EYS: variants seen among roughly 807,000 people sequenced by gnomAD.
The protein encoded by EYS is protein eyes shut homolog.
A neutral mutation model predicts 282.1 loss-of-function variants in EYS; 250 were observed. That is an observed-to-expected ratio of 0.89 (90% CI 0.80 to 0.98). The LOEUF (loss-of-function observed/expected upper bound fraction) is 0.98. Ranked by LOEUF, EYS falls within the 50% of genes least tolerant of loss-of-function variation. The pLI is 0.00. For missense variants in EYS, 4,016 were observed against 3,709.0 expected (o/e 1.08, Z -2.15); for synonymous variants, 1,355 against 1,282.9 (o/e 1.06, Z -1.20).
chr6:65,063,589 G>C (rs888001829), intron 12 of EYS, among the ~76,000 whole-genome samples: 5 of 152,036 alleles, frequency 3.3e-5, no homozygotes, highest in Admixed American at 2.6e-4. Flanking sequence ...CTGATCCAAG[G>C]AGTTTGGGAG....
intron 12 of EYS, among the ~76,000 whole-genome samples, chr6:65,117,299 C>T (rs973783997): frequency 1.7e-4 from 26 of 152,180 alleles, no homozygotes; most frequent in Non-Finnish European, 2.1e-4. Context: ...AAAGCACCTT[C>T]TAAAGCTATT....
At chr6:65,435,927 T>C (rs888190346) in intron 5 of EYS, among the ~76,000 whole-genome samples, 1 of 152,134 alleles carries the variant, frequency 6.6e-6, no homozygotes, top group African/African-American at 2.4e-5. Context: ...CAGAGAGGCC[T>C]ATGAAGAAAC....
chr6:64,656,097 T>A (rs1304166583), intron 22 of EYS, among the ~76,000 whole-genome samples: 1 of 152,158 alleles, frequency 6.6e-6, no homozygotes, highest in African/African-American at 2.4e-5. Context: ...CCTATTATGT[T>A]ATGAGGTATT....
chr6:65,577,919 AAGAGGAAAGATAACTGCTGG>A (rs573932242), intron 2 of EYS, among the ~76,000 whole-genome samples: 222 of 152,028 alleles, frequency 1.5e-3, no homozygotes, highest in Admixed American at 2.4e-3. Flanking sequence ...TTATTATAAA[AAGAGGAAAGATAACTGCTGG>A]AGAGGATGTT....
intron 29 of EYS, among the ~76,000 whole-genome samples, chr6:64,323,865 C>T (rs1171628759): frequency 6.6e-6 from 1 of 152,088 alleles, no homozygotes; most frequent in Non-Finnish European, 1.5e-5. Flanking sequence ...AAAGGATTTT[C>T]ATCCTCCTTT....
chr6:64,505,639 G>C (rs909555320), intron 26 of EYS, among the ~76,000 whole-genome samples: 3 of 152,120 alleles, frequency 2.0e-5, no homozygotes, highest in African/African-American at 7.2e-5. Context: ...AAATATACAA[G>C]CATTGAGTTG....
At chr6:65,295,827 T>C (rs1327877553) in intron 12 of EYS, 36 bp downstream of exon 12, 9 of 1,462,066 alleles carry the variant, frequency 6.2e-6, no homozygotes, top group South Asian at 1.3e-5. Flanking sequence ...CATTATTTAC[T>C]AGAAAATTTA....
At chr6:65,397,491 A>G (rs1766326628) in intron 7 of EYS, among the ~76,000 whole-genome samples, 2 of 151,656 alleles carry the variant, frequency 1.3e-5, no homozygotes, top group Admixed American at 1.3e-4. Context: ...TCTGGTTCCG[A>G]GTCATTTCAC....
chr6:65,573,663 T>A (rs988751613), intron 2 of EYS, among the ~76,000 whole-genome samples: 3 of 152,150 alleles, frequency 2.0e-5, no homozygotes, highest in African/African-American at 4.8e-5. Flanking sequence ...CAGCCTACCT[T>A]TCAGATACTG....
rs1031103696 is a variant in EYS, at chr6:65,181,564, G to A, written c.2023+114299C>T. ...ATTAAAAAGTCAGGAAACAACAGGT[G>A]CTGGAGAGGATATGGAGAAATAGGA... On this transcript the variant is annotated intron_variant, in intron 12 of 42. Coordinates refer to ENST00000503581, the MANE Select transcript of EYS (RefSeq NM_001142800.2). Among the ~76,000 whole-genome samples, 7 of 152,114 alleles carry A rather than the reference G, an allele frequency of 4.6e-5. No homozygotes were observed. The South Asian group carries it at 8.3e-4, about 18-fold the overall frequency.
intron 33 of EYS, among the ~76,000 whole-genome samples, chr6:64,056,012 C>A (rs1202819067): frequency 6.6e-6 from 1 of 152,088 alleles, no homozygotes; most frequent in Non-Finnish European, 1.5e-5. Context: ...GAGGGGGATG[C>A]AAAGGCCTGG....
chr6:63,984,873 T>C (rs1282211988), intron 34 of EYS, among the ~76,000 whole-genome samples: 1 of 151,758 alleles, frequency 6.6e-6, no homozygotes, highest in Admixed American at 6.6e-5. Flanking sequence ...TGCTGATTGA[T>C]TACTTTGAAA....
rs148707182 is a variant in EYS at position 64,218,063 on chromosome 6, G to A, written c.6424+12529C>T. ...ATCTATGAGAACTGCAGAAATCTCA[G>A]CACATAATGACTCTATCTAAGCCTC... On this transcript the variant is annotated intron_variant, in intron 31 of 42. Coordinates refer to ENST00000503581, the MANE Select transcript of EYS (RefSeq NM_001142800.2). 1.7e-3 allele frequency among the ~76,000 whole-genome samples: 253 copies of A among 152,258 alleles called. 1 individual carries two copies. The highest frequency in any genetic ancestry group is 3.2e-3 in the Admixed American group (49 of 15,286).
intron 7 of EYS, among the ~76,000 whole-genome samples, chr6:65,387,059 T>A (rs1343084072): frequency 2.0e-5 from 3 of 151,992 alleles, no homozygotes; most frequent in African/African-American, 7.2e-5. Context: ...AATACTCTTA[T>A]CCTCTTTTAC....
intron 22 of EYS, among the ~76,000 whole-genome samples, chr6:64,780,295 T>C (rs1773818671): frequency 6.6e-6 from 1 of 152,170 alleles, no homozygotes; most frequent in South Asian, 2.1e-4. Context: ...TTTTGACATA[T>C]GAAAAATATA....
At chr6:64,161,575 A>G (rs772134688) in intron 31 of EYS, among the ~76,000 whole-genome samples, 8 of 152,200 alleles carry the variant, frequency 5.3e-5, no homozygotes, top group Non-Finnish European at 1.0e-4. Context: ...TTAACTTTGA[A>G]AGAAGATAAA....
chr6:63,849,378 G>A lies in EYS; in HGVS notation c.7228+14808C>T, dbSNP rs188675930. On this transcript the variant is annotated intron_variant, in intron 36 of 42. Transcript: ENST00000503581. ...CTCCTCAAATGGGTCCCTGAACCTC[G>A]TGGGTCCTGACTGGGAGATACCTCC... Among the ~76,000 whole-genome samples the A allele has an allele frequency of 2.0e-4, 31 of 152,298 alleles. No homozygotes were observed. The East Asian group carries it at 2.5e-3, about 12-fold the overall frequency.
chr6:64,451,681 C>G (rs7451523), intron 26 of EYS, among the ~76,000 whole-genome samples: 42,141 of 152,038 alleles, frequency 0.28, 5,970 homozygotes, highest in East Asian at 0.46. Context: ...GGGCTTCATC[C>G]CCGGGATGCA....
chr6:64,448,965 G>A (rs1185472177), intron 26 of EYS, among the ~76,000 whole-genome samples: 1 of 152,154 alleles, frequency 6.6e-6, no homozygotes, highest in African/African-American at 2.4e-5. Flanking sequence ...TCCTCCAAAG[G>A]AACGCAGCTC....
Sources: gnomAD v4.1 joint callset for allele counts (sites outside exome capture counted in the v4.1 genomes callset) on GRCh38, gnomAD v4.1.1 for gene constraint, MANE v1.5 for transcripts, NCBI Gene and HGNC (gene_info 2026-07-23, HGNC 2026-07-21) for gene names.